The following UCN3 variants were observed in gnomAD, a reference collection of about 807,000 sequenced individuals.
UCN3 encodes the protein urocortin-3.
A neutral mutation model predicts 3.6 loss-of-function variants in UCN3; 3 were observed. That is an observed-to-expected ratio of 0.83 (90% CI 0.38 to 2.15). The LOEUF (loss-of-function observed/expected upper bound fraction) is 2.15. UCN3 is among the 30% of genes most tolerant of loss of function. The pLI is 0.06. For missense variants in UCN3, 206 were observed against 208.3 expected, an observed-to-expected ratio of 0.99 and a Z score of 0.07; for synonymous variants, 100 against 93.2, an observed-to-expected ratio of 1.07 and a Z score of -0.42.
chr10:5,372,011 A>C (rs928345471), intron 1 of UCN3, among the ~76,000 whole-genome samples: 1 of 152,194 alleles, frequency 6.6e-6, no homozygotes, highest in East Asian at 1.9e-4. Context: ...CACCGCAATG[A>C]GAGAACAGGC....
intron 1 of UCN3, among the ~76,000 whole-genome samples, chr10:5,368,968 G>T (rs1193199461): frequency 2.0e-5 from 3 of 152,138 alleles, no homozygotes; most frequent in Non-Finnish European, 4.4e-5. Flanking sequence ...AGCATCACGT[G>T]GGACTGTGCT....
chr10:5,369,154 A>T (rs142760167), intron 1 of UCN3, among the ~76,000 whole-genome samples: 90 of 152,352 alleles, frequency 5.9e-4, no homozygotes, highest in African/African-American at 2.1e-3. Context: ...TGGAGAGGGT[A>T]GCATGGAGCC....
At chr10:5,371,051 G>GTGTA (rs368796712) in intron 1 of UCN3, among the ~76,000 whole-genome samples, 4 of 150,334 alleles carry the variant, frequency 2.7e-5, no homozygotes, top group African/African-American at 1.0e-4. Context: ...ATGTATGTGT[G>GTGTA]TGTATGTATG....
At chr10:5,370,802 T>TGC (rs1554811380) in intron 1 of UCN3, among the ~76,000 whole-genome samples, 2 of 138,802 alleles carry the variant, frequency 1.4e-5, no homozygotes, top group African/African-American at 2.9e-5. Context: ...TGCGTGTGTA[T>TGC]ATGTGTGTGT....
At chr10:5,369,302 G>T (rs1328113276) in intron 1 of UCN3, among the ~76,000 whole-genome samples, 2 of 152,158 alleles carry the variant, frequency 1.3e-5, no homozygotes, top group Admixed American at 1.3e-4. Flanking sequence ...CTTCTGAAAA[G>T]GTTGTGTGCA....
intron 1 of UCN3, among the ~76,000 whole-genome samples, chr10:5,370,814 C>CGTGT (rs1334754521): frequency 7.7e-5 from 4 of 51,996 alleles, no homozygotes; most frequent in African/African-American, 3.3e-4. Flanking sequence ...TGTGTGTGTG[C>CGTGT]GTGTGTGTGC....
rs1834114928 is a variant in UCN3, at chr10:5,366,067, T to A, written c.-7+837T>A. On this transcript the variant is annotated intron_variant, in intron 1 of 1. Transcript: ENST00000380433. This position sits in a 1 kb window ranked among gnomAD's most constrained non-coding sequence, Gnocchi z 4.2. ...TTTCAGTTTAACTTCTTATCAGTGT[T>A]TGCAGACAAACGGAGCCCACAGGAA... Among the ~76,000 whole-genome samples the A allele has an allele frequency of 6.6e-6, 1 of 152,250 alleles. No individual in the cohort carries two copies. Among genetic ancestry groups the A allele is most frequent in the Non-Finnish European group, 1.5e-5 (1 of 68,036 alleles).
In UCN3 at chr10:5,374,175, A is replaced by T; in HGVS notation, c.455A>T (p.His152Leu). The change falls in exon 2 of 2, where the codon CAC (histidine) becomes CTC (leucine). Residue 152 changes from histidine (H) to leucine (L), a missense_variant. By Grantham distance (99) the His-to-Leu change is moderately conservative (BLOSUM62 -3). Transcript: ENST00000380433. ...NLRAQAAANA[H>L]LMAQIGRKK ...CGTGCCCAGGCGGCCGCCAATGCCC[A>T]CCTGATGGCGCAAATTGGGAGGAAG... is the stretch of plus-strand genomic sequence containing the variant. 1 of 1,603,644 alleles carries T rather than the reference A, an allele frequency of 6.2e-7. No homozygotes were observed.
At position 5,370,709 on chromosome 10, in the gene UCN3, A is replaced by G. The variant is rs573977110; in HGVS notation, c.-6-3006A>G. ...TGTATGTGTGTATATGTGTGTGTAT[A>G]TGATGTGTGTGTATATGCGTGTGTA... On this transcript the variant is annotated intron_variant, in intron 1 of 1. Coordinates refer to ENST00000380433, the MANE Select transcript of UCN3 (RefSeq NM_053049.4). Among the ~76,000 whole-genome samples the G allele has an allele frequency of 2.4e-4, 13 of 55,308 alleles. 1 individual carries two copies. Among genetic ancestry groups the G allele is most frequent in the Non-Finnish European group, 3.1e-4 (10 of 31,918 alleles). 36.3% of individuals were successfully genotyped at this position (55,308 alleles called of 152,430 possible). A position where few individuals can be genotyped will look rare whatever the true frequency, so the allele number is the denominator to read the frequency against.
chr10:5,370,827 G>GTATA (rs1564443615), intron 1 of UCN3, among the ~76,000 whole-genome samples: 1 of 82,670 alleles, frequency 1.2e-5, no homozygotes, highest in African/African-American at 5.0e-5. Context: ...GTGTGTGCGC[G>GTATA]CGTGTGTGTG....
chr10:5,370,785 GTGTGTATGCGTGTGTA>G (rs1831395918), intron 1 of UCN3, among the ~76,000 whole-genome samples: 1 of 141,844 alleles, frequency 7.1e-6, no homozygotes. Flanking sequence ...ATGCGTGTGT[GTGTGTATGCGTGTGTA>G]TATGTGTGTG....
intron 1 of UCN3, among the ~76,000 whole-genome samples, chr10:5,370,061 GTATATGTGTGTA>G (rs797040351): frequency 1.3e-5 from 1 of 77,420 alleles, no homozygotes; most frequent in Non-Finnish European, 2.9e-5. Context: ...GTATGTGTGT[GTATATGTGTGTA>G]TATGCGTGTG....
At position 5,370,920 on chromosome 10, in the gene UCN3, C is replaced by CGTGTGTATATGTGTGTGTATATGT. The variant is rs1228555166; in HGVS notation, c.-6-2779_-6-2778insGTATATGTGTGTGTATATGTGTGT. Among the ~76,000 whole-genome samples, 551 of 109,844 alleles carry CGTGTGTATATGTGTGTGTATATGT rather than the reference C, an allele frequency of 5.0e-3. 40 individuals are homozygous for CGTGTGTATATGTGTGTGTATATGT. The highest frequency in any genetic ancestry group is 0.019 in the African/African-American group (515 of 27,248). 72.1% of individuals were successfully genotyped at this position (109,844 alleles called of 152,430 possible). On this transcript the variant is annotated intron_variant, in intron 1 of 1. Transcript: ENST00000380433. Reference sequence around the variant, plus strand: ...GCGTGTGTATATGCGTGTGTATATGCGTGTGTATATGTGTGTTCATGTGTA... The same window carrying CGTGTGTATATGTGTGTGTATATGT: ...GCGTGTGTATATGCGTGTGTATATGCGTGTGTATATGTGTGTGTATATGTGTGTGTATATGTGTGTTCATGTGTA...
chr10:5,370,601 A>T (rs1440852245), intron 1 of UCN3, among the ~76,000 whole-genome samples: 1 of 88,202 alleles, frequency 1.1e-5, no homozygotes, highest in Admixed American at 1.3e-4. Context: ...GTGTGTGTGT[A>T]TGCGTGTGTA....
chr10:5,372,548 GT>G (rs1431479803), intron 1 of UCN3, among the ~76,000 whole-genome samples: 2 of 152,158 alleles, frequency 1.3e-5, no homozygotes, highest in South Asian at 2.1e-4. Flanking sequence ...AATGCTTAGG[GT>G]TTTTTTCTTT....
At chr10:5,369,070 A>G (rs1318394663) in intron 1 of UCN3, among the ~76,000 whole-genome samples, 4 of 152,328 alleles carry the variant, frequency 2.6e-5, no homozygotes, top group African/African-American at 7.2e-5. Flanking sequence ...GCGCCTTCAC[A>G]TGAGTCCAAA....
chr10:5,371,275 G>T (rs1156958362), intron 1 of UCN3, among the ~76,000 whole-genome samples: 4 of 151,196 alleles, frequency 2.6e-5, no homozygotes, highest in Non-Finnish European at 5.9e-5. Context: ...GCGTGTATGT[G>T]CATGTATATA....
chr10:5,372,706 C>T (rs879963465), intron 1 of UCN3, among the ~76,000 whole-genome samples: 6 of 149,566 alleles, frequency 4.0e-5, no homozygotes, highest in Non-Finnish European at 7.4e-5. Context: ...CACACCACCA[C>T]GCCCAGCTAA....
chr10:5,371,285 ATG>A (rs1831424615), intron 1 of UCN3, among the ~76,000 whole-genome samples: 1 of 150,570 alleles, frequency 6.6e-6, no homozygotes, highest in Non-Finnish European at 1.5e-5. Context: ...GCATGTATAT[ATG>A]TGTGTGCATG....
Sources: allele counts gnomAD v4.1 joint callset (sites outside exome capture counted in the v4.1 genomes callset), GRCh38; gene constraint gnomAD v4.1.1; non-coding constraint Gnocchi (gnomAD v3.1); transcripts MANE v1.5; gene names NCBI Gene and HGNC (gene_info 2026-07-23, HGNC 2026-07-21).